Variants in KLHL13 observed in about 807,000 individuals in gnomAD.
KLHL13 encodes kelch-like protein 13.
Under a neutral mutation model 37.1 loss-of-function variants are expected in KLHL13, and 10 were observed. The ratio of observed to expected loss-of-function variants is 0.27; its 90% CI spans 0.17 to 0.46. The LOEUF (loss-of-function observed/expected upper bound fraction) is 0.46, where lower values mean the gene tolerates loss of function less well. Among genes scored for constraint, KLHL13 ranks in the 20% least tolerant of loss-of-function variants. The pLI is 1.00. For missense variants in KLHL13, 360 were observed against 509.3 expected (o/e 0.71, Z 2.82); for synonymous variants, 163 against 181.2 (o/e 0.90, Z 0.81).
At chrX:117,957,793 T>TTATC in intron 1 of KLHL13, among the ~76,000 whole-genome samples, 1 of 111,858 alleles carries the variant, frequency 8.9e-6, no homozygotes, top group South Asian at 3.7e-4. Flanking sequence ...ACAAAACACA[T>TTATC]TATCATTTAA....
chrX:117,934,463 T>C (rs916185551), intron 2 of KLHL13, among the ~76,000 whole-genome samples: 1 of 110,626 alleles, frequency 9.0e-6, no homozygotes, highest in African/African-American at 3.3e-5. Flanking sequence ...TTCTAGGCAT[T>C]TTCCTTGACC....
intron 4 of KLHL13, among the ~76,000 whole-genome samples, chrX:117,913,075 TAAA>T (rs939610009): frequency 9.0e-6 from 1 of 111,625 alleles, no homozygotes; most frequent in African/African-American, 3.2e-5. Flanking sequence ...ATATAGAAAT[TAAA>T]GAAGCAAAGT....
intron 2 of KLHL13, among the ~76,000 whole-genome samples, chrX:117,944,179 A>G (rs1020636927): frequency 3.6e-5 from 4 of 110,540 alleles, no homozygotes; most frequent in Non-Finnish European, 7.6e-5. Flanking sequence ...TGCAGAAATC[A>G]CCCACCTTCT....
chrX:118,094,827 G>C (rs1337244313), intron 1 of KLHL13, among the ~76,000 whole-genome samples: 3 of 111,067 alleles, frequency 2.7e-5, no homozygotes, highest in Non-Finnish European at 5.7e-5. Context: ...ATACTTTACA[G>C]ACAAGCAAAT....
At chrX:118,065,665 T>C (rs1054179772) in intron 1 of KLHL13, among the ~76,000 whole-genome samples, 8 of 111,485 alleles carry the variant, frequency 7.2e-5, no homozygotes, top group Non-Finnish European at 1.9e-5. Flanking sequence ...ACACAAATGA[T>C]ACAAGAAGCA....
chrX:118,025,304 T>C (rs1490168744), intron 1 of KLHL13, among the ~76,000 whole-genome samples: 1 of 111,891 alleles, frequency 8.9e-6, no homozygotes, highest in African/African-American at 3.2e-5. Context: ...AAAGAAAATA[T>C]CAAATAGAAA....
Position 118,095,558 on chromosome X carries a change from A to G in KLHL13, c.-56+20950T>C, listed in dbSNP as rs187747557. On this transcript the variant is annotated intron_variant, in intron 1 of 6. Coordinates refer to the KLHL13 transcript ENST00000371882. ...AAGCGGACCTAACAGACATCTACAG[A>G]ACTCTCCACCCCAAATCAACAGAAT... 8.3e-3 allele frequency among the ~76,000 whole-genome samples: 921 copies of G among 111,525 alleles called. 7 individuals carry two copies. Among genetic ancestry groups the G allele is most frequent in the African/African-American group, 0.029 (890 of 30,554 alleles).
intron 1 of KLHL13, among the ~76,000 whole-genome samples, chrX:118,103,967 T>G (rs1251261380): frequency 9.4e-6 from 1 of 106,108 alleles, no homozygotes; most frequent in African/African-American, 3.5e-5. Flanking sequence ...TCCCAGCACT[T>G]TGGGAGGCCA....
chrX:118,018,620 C>T (rs908393136), intron 1 of KLHL13, among the ~76,000 whole-genome samples: 2 of 111,397 alleles, frequency 1.8e-5, no homozygotes, highest in Non-Finnish European at 3.8e-5. Flanking sequence ...CTCTTCTTAG[C>T]ATTCAGTCTT....
chrX:117,961,072 T>C (rs934058851), intron 1 of KLHL13, among the ~76,000 whole-genome samples: 2 of 112,122 alleles, frequency 1.8e-5, no homozygotes, highest in South Asian at 7.4e-4. Flanking sequence ...TATGATTGTA[T>C]ATGCTTGCAA....
At chrX:117,937,733 TTTA>T (rs1308095510) in intron 2 of KLHL13, among the ~76,000 whole-genome samples, 2 of 111,961 alleles carry the variant, frequency 1.8e-5, no homozygotes, top group Non-Finnish European at 3.8e-5. Context: ...TTTTAATAGC[TTTA>T]TTGAGATACA....
intron 1 of KLHL13, among the ~76,000 whole-genome samples, chrX:118,022,529 C>T (rs933981414): frequency 8.9e-6 from 1 of 111,878 alleles, no homozygotes; most frequent in South Asian, 3.7e-4. Context: ...TAATGGCCAA[C>T]CTAATAGGTG....
At chrX:118,029,215 C>T (rs1196584219) in intron 1 of KLHL13, among the ~76,000 whole-genome samples, 1 of 111,168 alleles carries the variant, frequency 9.0e-6, no homozygotes, top group Non-Finnish European at 1.9e-5. Flanking sequence ...GGAGTTGAGG[C>T]AAATACATGC....
chrX:118,082,152 T>C (rs2055001999), intron 1 of KLHL13, among the ~76,000 whole-genome samples: 1 of 111,208 alleles, frequency 9.0e-6, no homozygotes, highest in Non-Finnish European at 1.9e-5. Flanking sequence ...CTGTATCACA[T>C]GGGAGATCTA....
intron 1 of KLHL13, among the ~76,000 whole-genome samples, chrX:118,087,035 G>A (rs899234017): frequency 2.7e-5 from 3 of 110,879 alleles, no homozygotes; most frequent in Non-Finnish European, 5.7e-5. Context: ...CTAAAAATTG[G>A]AAAATAAAGG....
chrX:117,990,930 T>C (rs1044483825), intron 1 of KLHL13, among the ~76,000 whole-genome samples: 2 of 111,028 alleles, frequency 1.8e-5, no homozygotes, highest in East Asian at 5.6e-4. Context: ...TCAAGAATAT[T>C]TACATAATGA....
intron 1 of KLHL13, among the ~76,000 whole-genome samples, chrX:118,026,091 T>A (rs1007171587): frequency 9.0e-6 from 1 of 111,302 alleles, no homozygotes; most frequent in Non-Finnish European, 1.9e-5. Flanking sequence ...TTTCTCTAAT[T>A]GGATTATTAT....
intron 1 of KLHL13, among the ~76,000 whole-genome samples, chrX:118,092,059 G>A (rs1166984159): frequency 9.0e-6 from 1 of 111,718 alleles, no homozygotes; most frequent in Non-Finnish European, 1.9e-5. Context: ...ACACTCAGGA[G>A]AAAGGGATGG....
In KLHL13 at chrX:117,930,209, A is replaced by G. The variant is rs189365921; in HGVS notation, c.241-9839T>C. On this transcript the variant is annotated intron_variant, in intron 2 of 6. Transcript: ENST00000262820. ...AAGAAAGGGAGGGCAAGAAAGGATG[A>G]AAAGGAAGAAGGAAGGAAGGAAGGA... 7.9e-3 allele frequency among the ~76,000 whole-genome samples: 792 copies of G among 99,879 alleles called. 11 individuals carry two copies. The highest frequency in any genetic ancestry group is 0.028 in the African/African-American group (760 of 26,987). 86.7% of individuals were successfully genotyped at this position (99,879 alleles called of 115,157 possible).
Sources: allele counts gnomAD v4.1 joint callset (sites outside exome capture counted in the v4.1 genomes callset), GRCh38; gene constraint gnomAD v4.1.1; transcripts MANE v1.5; gene names NCBI Gene and HGNC (gene_info 2026-07-23, HGNC 2026-07-21).